The following ITSN1 variants were observed in gnomAD, a reference collection of about 807,000 sequenced individuals.
ITSN1 encodes the protein intersectin 1.
In ITSN1, 58 loss-of-function variants were observed where a neutral mutation model predicts 239.8. The observed-to-expected ratio is 0.24, with a 90% CI of 0.20 to 0.30. The LOEUF is 0.30. Among genes scored for constraint, ITSN1 ranks in the 10% least tolerant of loss-of-function variants. The pLI, the probability that ITSN1 is intolerant of heterozygous loss-of-function variation, is 1.00. For missense variants in ITSN1, 1,558 were observed against 2,103.3 expected, an observed-to-expected ratio of 0.74 and a Z score of 5.07; for synonymous variants, 780 against 770.8, an observed-to-expected ratio of 1.01 and a Z score of -0.20.
intron 1 of ITSN1, among the ~76,000 whole-genome samples, chr21:33,656,613 G>C (rs774472094): frequency 6.6e-6 from 1 of 152,124 alleles, no homozygotes. Flanking sequence ...TTGGCTCACT[G>C]CAACCTCTAC....
intron 4 of ITSN1, among the ~76,000 whole-genome samples, chr21:33,726,439 TG>T (rs2065837462): frequency 6.6e-6 from 1 of 152,174 alleles, no homozygotes; most frequent in African/African-American, 2.4e-5. Flanking sequence ...GACGGAAGAA[TG>T]GGTTTGACTC....
At chr21:33,712,923 G>T (rs759248959) in intron 1 of ITSN1, among the ~76,000 whole-genome samples, 4 of 152,096 alleles carry the variant, frequency 2.6e-5, no homozygotes, top group Non-Finnish European at 4.4e-5. Context: ...TGCTGCCCAG[G>T]CTGGAGTGCT....
intron 7 of ITSN1, among the ~76,000 whole-genome samples, chr21:33,752,748 A>G (rs1457693419): frequency 1.3e-5 from 2 of 150,378 alleles, no homozygotes; most frequent in Non-Finnish European, 3.0e-5. Flanking sequence ...AGATGGGAGG[A>G]TGGCTGGAGC....
At chr21:33,881,692 G>C (rs138472122) in intron 34 of ITSN1, among the ~76,000 whole-genome samples, 110 of 152,224 alleles carry the variant, frequency 7.2e-4, no homozygotes, top group African/African-American at 2.5e-3. Context: ...AAATAAAAAA[G>C]AGAAATGGCC....
intron 21 of ITSN1, among the ~76,000 whole-genome samples, chr21:33,811,879 C>T (rs1006764618): frequency 2.0e-5 from 3 of 152,160 alleles, no homozygotes; most frequent in Non-Finnish European, 2.9e-5. Context: ...ATATTTTATA[C>T]TAGGATACAA....
chr21:33,796,704 G>T (rs1602288235), intron 17 of ITSN1, among the ~76,000 whole-genome samples: 1 of 152,132 alleles, frequency 6.6e-6, no homozygotes, highest in Admixed American at 6.5e-5. Context: ...AACCTGATTC[G>T]CAGTTTAAAG....
chr21:33,671,200 G>A lies in ITSN1; in HGVS notation c.-33+28487G>A, dbSNP rs537786626. 5.9e-5 allele frequency among the ~76,000 whole-genome samples: 9 copies of A among 152,188 alleles called. No homozygotes were observed. The East Asian group carries it at 1.2e-3, about 20-fold the overall frequency. The stretch of plus-strand genomic sequence containing the variant: ...AATGAGACCACCAAAAATACCCCAC[G>A]GATTTTCACACATCCATTAGGGAAT... On this transcript the variant is annotated intron_variant, in intron 1 of 39. Coordinates refer to ENST00000381318, the MANE Select transcript of ITSN1 (RefSeq NM_003024.3).
intron 1 of ITSN1, among the ~76,000 whole-genome samples, chr21:33,656,332 A>G (rs777139166): frequency 4.6e-5 from 7 of 152,268 alleles, no homozygotes; most frequent in Non-Finnish European, 4.4e-5. Flanking sequence ...TACTCAGTGT[A>G]TGATCAGTGT....
In ITSN1 at chr21:33,714,995, TAAAG is replaced by T. The variant is rs1230492414; in HGVS notation, c.-32-3797_-32-3794del. Among the ~76,000 whole-genome samples, 9 of 152,236 alleles carry T rather than the reference TAAAG, an allele frequency of 5.9e-5. No individual in the cohort carries two copies. In the South Asian group the frequency reaches 6.2e-4, roughly 11 times the overall value. ...GAAATTCATTATCTCACTAGATGCT[TAAAG>T]AAAGCTTCTGAAAAAAATTTAGCCA... On this transcript the variant is annotated intron_variant, in intron 1 of 39. Coordinates refer to ENST00000381318, the MANE Select transcript of ITSN1 (RefSeq NM_003024.3).
At position 33,702,109 on chromosome 21, in the gene ITSN1, T is replaced by G. The variant is rs562681100; in HGVS notation, c.-32-16688T>G. Among the ~76,000 whole-genome samples the G allele has an allele frequency of 2.5e-3, 356 of 142,552 alleles. 25 individuals are homozygous for G. The highest frequency in any genetic ancestry group is 2.5e-3 in the Non-Finnish European group (165 of 66,042). The allele number at this position is 142,552 out of a possible 152,430, so 93.5% of individuals were successfully genotyped here. On this transcript the variant is annotated intron_variant, in intron 1 of 39. Coordinates refer to ENST00000381318, the MANE Select transcript of ITSN1 (RefSeq NM_003024.3). ...AACAAAAAAATTTTTTTTTTTTTTT[T>G]TTTTTTTTTTTTTTTTTTTTTTTTT...
At chr21:33,826,121 C>G (rs1025317360) in intron 25 of ITSN1, among the ~76,000 whole-genome samples, 2 of 152,090 alleles carry the variant, frequency 1.3e-5, no homozygotes, top group African/African-American at 4.8e-5. Flanking sequence ...CATGAGTATC[C>G]CAGAGAGGAA....
At chr21:33,731,815 GAA>G (rs1204853605) in intron 4 of ITSN1, among the ~76,000 whole-genome samples, 1 of 152,174 alleles carries the variant, frequency 6.6e-6, no homozygotes, top group Non-Finnish European at 1.5e-5. Context: ...TACTATCCAT[GAA>G]AAGAGTCAAA....
intron 29 of ITSN1, among the ~76,000 whole-genome samples, chr21:33,841,390 T>TA (rs34720630): frequency 1.3e-5 from 2 of 151,392 alleles, no homozygotes; most frequent in East Asian, 3.9e-4. Flanking sequence ...TAGGTTAGGT[T>TA]AAAAAAAAAT....
intron 37 of ITSN1, 25 bp from the exon 38 acceptor site, chr21:33,885,413 AT>A: frequency 3.1e-6 from 5 of 1,603,424 alleles, no homozygotes; most frequent in Non-Finnish European, 3.4e-6. Flanking sequence ...CAAATGAAGC[AT>A]TTTGTGTTTT....
intron 1 of ITSN1, among the ~76,000 whole-genome samples, chr21:33,651,952 G>C (rs1306711842): frequency 1.3e-5 from 2 of 152,026 alleles, no homozygotes; most frequent in Non-Finnish European, 2.9e-5. Context: ...GTTGTGATTT[G>C]GTAATTTAAA....
intron 12 of ITSN1, 128 bp from the exon 13 acceptor site, chr21:33,774,601 T>C (rs1381601745): frequency 1.9e-5 from 16 of 826,060 alleles, no homozygotes; most frequent in Non-Finnish European, 2.8e-5. Flanking sequence ...TGTTTTCTAA[T>C]GTGATTTCTT....
Position 33,882,143 on chromosome 21 carries a change from C to G in ITSN1, c.4342-100C>G, listed in dbSNP as rs572484182. ...CTATCCTTGACTTTTGCCTGAGATC[C>G]GAGTCTGCTGGGGCCTGGCCTCTGA... is the stretch of plus-strand genomic sequence containing the variant. On this transcript the variant is annotated intron_variant, in intron 34 of 39. Transcript: ENST00000381318. The surrounding 1 kb of genome is among the most constrained non-coding windows in gnomAD (Gnocchi z 4.5). 1 of 1,001,750 alleles carries G rather than the reference C, an allele frequency of 1.0e-6. No homozygotes were observed. Among genetic ancestry groups the G allele is most frequent in the East Asian group, 2.5e-5 (1 of 39,622 alleles). 62.1% of individuals were successfully genotyped at this position (1,001,750 alleles called of 1,614,324 possible).
chr21:33,783,442 A>G (rs2070371428), intron 16 of ITSN1, among the ~76,000 whole-genome samples: 1 of 152,148 alleles, frequency 6.6e-6, no homozygotes, highest in South Asian at 2.1e-4. Flanking sequence ...TAGGGGAAAT[A>G]TTATTTGAGC....
chr21:33,649,376 A>C (rs1276559903), intron 1 of ITSN1, among the ~76,000 whole-genome samples: 2 of 152,210 alleles, frequency 1.3e-5, no homozygotes, highest in Non-Finnish European at 2.9e-5. Flanking sequence ...TTGTTCCTAA[A>C]GTTCGTAGCT....
Sources: allele counts gnomAD v4.1 joint callset (sites outside exome capture counted in the v4.1 genomes callset), GRCh38; gene constraint gnomAD v4.1.1; non-coding constraint Gnocchi (gnomAD v3.1); transcripts MANE v1.5; gene names NCBI Gene and HGNC (gene_info 2026-07-23, HGNC 2026-07-21).